The following AIG1 variants were observed in gnomAD, a reference collection of about 807,000 sequenced individuals.
The protein encoded by AIG1 is androgen induced 1, also known as androgen-induced gene 1 protein.
Under a neutral mutation model 31.4 loss-of-function variants are expected in AIG1, and 23 were observed. The observed-to-expected ratio is 0.73, with a 90% CI of 0.53 to 1.04. The LOEUF (loss-of-function observed/expected upper bound fraction) is 1.04. Among genes scored for constraint, AIG1 ranks in the 50% least tolerant of loss-of-function variants. AIG1 has a pLI of 0.00. For synonymous variants in AIG1, 100 were observed against 110.5 expected (o/e 0.90, Z 0.60); for missense variants, 274 against 295.0 (o/e 0.93, Z 0.52).
chr6:143,088,126 T>A (rs1041908402), intron 1 of AIG1, among the ~76,000 whole-genome samples: 1 of 152,218 alleles, frequency 6.6e-6, no homozygotes, highest in Non-Finnish European at 1.5e-5. Context: ...GCAGTAATCA[T>A]GGGGTCTGCC....
At chr6:143,118,991 A>G (rs891038611) in intron 1 of AIG1, among the ~76,000 whole-genome samples, 10 of 151,266 alleles carry the variant, frequency 6.6e-5, no homozygotes, top group Non-Finnish European at 1.3e-4. Flanking sequence ...CTCCTGCTTC[A>G]GGCTCCTGAG....
chr6:143,205,714 A>T (rs1460272419), intron 3 of AIG1, among the ~76,000 whole-genome samples: 1 of 152,206 alleles, frequency 6.6e-6, no homozygotes, highest in Non-Finnish European at 1.5e-5. Flanking sequence ...TTAAAATTGT[A>T]TATGTCTGTG....
chr6:143,238,082 A>G (rs1040303432), intron 3 of AIG1, among the ~76,000 whole-genome samples: 1 of 152,160 alleles, frequency 6.6e-6, no homozygotes, highest in Non-Finnish European at 1.5e-5. Context: ...CTGGGACTAC[A>G]GGCGCCTACC....
rs115470258 is a variant in AIG1, at chr6:143,190,575, A to G, written c.399+25392A>G. 1,305 of 985,454 alleles carry G rather than the reference A, an allele frequency of 1.3e-3. 15 individuals are homozygous for G. In the African/African-American group the frequency reaches 0.016, roughly 12 times the overall value. The allele number at this position is 985,454 out of a possible 1,614,324, so 61.0% of individuals were successfully genotyped here. On this transcript the variant is annotated intron_variant, in intron 3 of 5. Coordinates refer to ENST00000357847, the MANE Select transcript of AIG1 (RefSeq NM_016108.4). ...TTATTTTTGTGTATGTGAATAAACT[A>G]TGAAGCATTTTCTTACAAAAAACTT...
At chr6:143,255,274 AT>A (rs1384154503) in intron 3 of AIG1, among the ~76,000 whole-genome samples, 2 of 152,256 alleles carry the variant, frequency 1.3e-5, no homozygotes, top group African/African-American at 4.8e-5. Context: ...TAAGGCTGCC[AT>A]AACAAAAGAC....
rs1424757880 is a variant in AIG1 at position 143,340,272 on chromosome 6, A to C, written c.*596A>C. ...TCATGTGAAACTTTTCCTAGATGCA[A>C]ATGCTGACTAATAAAGACAAAGCCA... is the stretch of plus-strand genomic sequence containing the variant. On this transcript the variant is annotated 3_prime_UTR_variant, in exon 6 of 6. Coordinates refer to ENST00000357847, the MANE Select transcript of AIG1 (RefSeq NM_016108.4). 1 of 152,212 alleles carries C rather than the reference A, an allele frequency of 6.6e-6. No homozygotes were observed. Among genetic ancestry groups the C allele is most frequent in the African/African-American group, 2.4e-5 (1 of 41,436 alleles). 9.4% of individuals were successfully genotyped at this position (152,212 alleles called of 1,614,324 possible). A position where few individuals can be genotyped will look rare whatever the true frequency, so the allele number is the denominator to read the frequency against.
At chr6:143,078,648 AC>A (rs1275946852) in intron 1 of AIG1, among the ~76,000 whole-genome samples, 1 of 152,210 alleles carries the variant, frequency 6.6e-6, no homozygotes, top group South Asian at 2.1e-4. Flanking sequence ...AAAAGGGAAA[AC>A]CCCTTATAAA....
At chr6:143,195,158 C>T (rs189852170) in intron 3 of AIG1, among the ~76,000 whole-genome samples, 70 of 152,150 alleles carry the variant, frequency 4.6e-4, no homozygotes, top group Non-Finnish European at 6.9e-4. Context: ...TAAAGGCTGA[C>T]GGTGGGAGTT....
At chr6:143,089,481 A>T (rs1779108638) in intron 1 of AIG1, among the ~76,000 whole-genome samples, 1 of 152,178 alleles carries the variant, frequency 6.6e-6, no homozygotes, top group Non-Finnish European at 1.5e-5. Flanking sequence ...CAGGAATATA[A>T]TAGTACCTAC....
intron 1 of AIG1, among the ~76,000 whole-genome samples, chr6:143,120,311 G>A (rs1782134805): frequency 6.6e-6 from 1 of 152,180 alleles, no homozygotes; most frequent in African/African-American, 2.4e-5. Flanking sequence ...CAATCTGTAA[G>A]TTGGCAGAAT....
At chr6:143,136,748 C>A in intron 1 of AIG1, 87 bp from the exon 2 acceptor site, 2 of 1,170,652 alleles carry the variant, frequency 1.7e-6, no homozygotes, top group South Asian at 3.5e-5. Flanking sequence ...TATTAGATGT[C>A]ATGTTGTACA....
chr6:143,183,699 A>G (rs1256498978), intron 3 of AIG1, among the ~76,000 whole-genome samples: 1 of 152,248 alleles, frequency 6.6e-6, no homozygotes, highest in Non-Finnish European at 1.5e-5. Context: ...GTTTGAGGTC[A>G]GCAAAACCCA....
intron 1 of AIG1, among the ~76,000 whole-genome samples, chr6:143,120,585 C>T (rs1782157622): frequency 6.6e-6 from 1 of 152,146 alleles, no homozygotes; most frequent in South Asian, 2.1e-4. Context: ...ACGAGAACAG[C>T]ATGGGAAAAC....
At position 143,239,146 on chromosome 6, in the gene AIG1, TG is replaced by T. The variant is rs1335029379; in HGVS notation, c.400-44960del. Among the ~76,000 whole-genome samples the T allele has an allele frequency of 2.0e-5, 3 of 152,240 alleles. No homozygotes were observed. In the East Asian group the frequency reaches 5.8e-4, roughly 29 times the overall value. On this transcript the variant is annotated intron_variant, in intron 3 of 5. Transcript: ENST00000357847. The stretch of plus-strand genomic sequence containing the variant: ...TGTGCACAGAGTACAGTTGGAGCAC[TG>T]GGGAGAGACTGGCAACACTGCTTGG...
chr6:143,115,657 G>A (rs1340049954), intron 1 of AIG1, among the ~76,000 whole-genome samples: 1 of 152,176 alleles, frequency 6.6e-6, no homozygotes, highest in Non-Finnish European at 1.5e-5. Flanking sequence ...TATACTATAG[G>A]ACTTTTGTGG....
intron 4 of AIG1, among the ~76,000 whole-genome samples, chr6:143,296,067 ACC>A (rs1798405977): frequency 6.6e-6 from 1 of 152,016 alleles, no homozygotes; most frequent in Non-Finnish European, 1.5e-5. Context: ...ATACACACAC[ACC>A]CACACACGCA....
rs141141628 is a variant in AIG1 at position 143,185,753 on chromosome 6, A to C, written c.399+20570A>C. On this transcript the variant is annotated intron_variant, in intron 3 of 5. Transcript: ENST00000357847. ...GGCTCGGTGGCACATAATAGGTCTC[A>C]AAAATGTTCTTTGAAAGAATGCATG... Among the ~76,000 whole-genome samples the C allele has an allele frequency of 2.2e-3, 339 of 152,306 alleles. 1 individual carries two copies. Among genetic ancestry groups the C allele is most frequent in the African/African-American group, 7.9e-3 (327 of 41,576 alleles).
chr6:143,224,277 C>T (rs187471921), intron 3 of AIG1, among the ~76,000 whole-genome samples: 1 of 152,198 alleles, frequency 6.6e-6, no homozygotes, highest in Non-Finnish European at 1.5e-5. Flanking sequence ...CCTCCCTTTC[C>T]TCTTCCCAAC....
chr6:143,224,547 A>C (rs930521197), intron 3 of AIG1, among the ~76,000 whole-genome samples: 7 of 152,220 alleles, frequency 4.6e-5, no homozygotes, highest in Non-Finnish European at 8.8e-5. Flanking sequence ...GTATTATCCA[A>C]ACCAGAGCAT....
Sources: gnomAD v4.1 joint callset for allele counts (sites outside exome capture counted in the v4.1 genomes callset) on GRCh38, gnomAD v4.1.1 for gene constraint, MANE v1.5 for transcripts, NCBI Gene and HGNC (gene_info 2026-07-23, HGNC 2026-07-21) for gene names.